The following ITGB6 variants were observed in gnomAD, a reference collection of about 807,000 sequenced individuals.
ITGB6 encodes the protein integrin subunit beta 6.
A neutral mutation model predicts 84.5 loss-of-function variants in ITGB6; 80 were observed. The observed-to-expected ratio is 0.95, with a 90% CI of 0.79 to 1.14. The LOEUF is 1.14. Among genes scored for constraint, ITGB6 ranks in the 50% most tolerant of loss-of-function variants. ITGB6 has a pLI of 0.00. For missense variants in ITGB6, 1,006 were observed against 968.0 expected, an observed-to-expected ratio of 1.04 and a Z score of -0.52; for synonymous variants, 383 against 354.9, an observed-to-expected ratio of 1.08 and a Z score of -0.89.
In ITGB6 at chr2:160,196,267, A is replaced by C. The variant is rs750388139; in HGVS notation, c.295T>G (p.Ser99Ala). 71 of 1,613,982 alleles carry C rather than the reference A, an allele frequency of 4.4e-5. No homozygotes were observed. Among genetic ancestry groups the C allele is most frequent in the Non-Finnish European group, 5.7e-5 (67 of 1,179,996 alleles). Residue 99 changes from serine (S) to alanine (A), a missense_variant, in exon 3 of 15, where the codon TCT (serine) becomes GCT (alanine). Transcript: ENST00000283249. ...PLSVGRQKNS[S>A]DIVQIAPQSL... is the part of the protein sequence containing the mutation. ...TGAGGCGCAATCTGAACAATGTCAG[A>C]ACTATTTTTCTGTCTGCCTACACTG...
chr2:160,154,638 C>T (rs1240207784), intron 7 of ITGB6, among the ~76,000 whole-genome samples: 1 of 151,918 alleles, frequency 6.6e-6, no homozygotes, highest in Non-Finnish European at 1.5e-5. Flanking sequence ...ATGTTTATAC[C>T]TGCTTTATTC....
At chr2:160,182,870 G>A (rs186568541) in intron 4 of ITGB6, among the ~76,000 whole-genome samples, 1 of 152,256 alleles carries the variant, frequency 6.6e-6, no homozygotes, top group East Asian at 1.9e-4. Context: ...TTTCAACCCA[G>A]AATTTCATAT....
intron 4 of ITGB6, among the ~76,000 whole-genome samples, chr2:160,184,135 A>G (rs2105884349): frequency 6.6e-6 from 1 of 152,330 alleles, no homozygotes; most frequent in East Asian, 1.9e-4. Context: ...AGATTAGAGC[A>G]GAACTGAAGG....
At chr2:160,105,128 C>A (rs1696859144) in intron 14 of ITGB6, among the ~76,000 whole-genome samples, 1 of 152,180 alleles carries the variant, frequency 6.6e-6, no homozygotes, top group African/African-American at 2.4e-5. Flanking sequence ...TTGAGTTAAA[C>A]CTTTTTTGCA....
At chr2:160,107,872 A>G in intron 13 of ITGB6, 27 bp from the exon 14 acceptor site, 2 of 1,555,984 alleles carry the variant, frequency 1.3e-6, no homozygotes, top group Non-Finnish European at 1.8e-6. Flanking sequence ...AATTATAAGA[A>G]GGTGGTAAAA....
intron 12 of ITGB6, among the ~76,000 whole-genome samples, chr2:160,119,949 A>T (rs1279721279): frequency 1.3e-5 from 2 of 152,184 alleles, no homozygotes; most frequent in African/African-American, 4.8e-5. Flanking sequence ...GAGAAATGCA[A>T]ATCAAAACCA....
intron 7 of ITGB6, among the ~76,000 whole-genome samples, chr2:160,147,151 AGAAAGAAAGAAAGAAAT>A (rs1304145985): frequency 1.3e-5 from 2 of 151,774 alleles, no homozygotes; most frequent in Non-Finnish European, 2.9e-5. Context: ...AAACAAAGTA[AGAAAGAAAGAAAGAAAT>A]GAAAGAAAGA....
intron 10 of ITGB6, among the ~76,000 whole-genome samples, chr2:160,134,117 C>G (rs976330031): frequency 6.6e-6 from 1 of 152,124 alleles, no homozygotes; most frequent in African/African-American, 2.4e-5. Flanking sequence ...AATCCAGGAG[C>G]TGGTTTTTTG....
intron 13 of ITGB6, 84 bp downstream of exon 13, chr2:160,111,996 T>C: frequency 2.9e-6 from 4 of 1,380,794 alleles, no homozygotes; most frequent in Non-Finnish European, 4.0e-6. Flanking sequence ...TTTCCTGGCA[T>C]GCTACCCAGA....
At position 160,199,984 on chromosome 2, in the gene ITGB6, C is replaced by A; in HGVS notation, c.61+19G>T. The stretch of plus-strand genomic sequence containing the variant: ...CAAGCATACCACGAAAGTAATATAT[C>A]AGAGAACGCAGGTCTTACCTTGTAC... On this transcript the variant is annotated intron_variant, in intron 1 of 14. Transcript: ENST00000283249. 6.3e-7 allele frequency: 1 copy of A among 1,597,210 alleles called. No homozygotes were observed. Among genetic ancestry groups the A allele is most frequent in the Non-Finnish European group, 8.6e-7 (1 of 1,165,750 alleles).
At chr2:160,167,976 G>A (rs1390281919) in intron 7 of ITGB6, among the ~76,000 whole-genome samples, 1 of 105,062 alleles carries the variant, frequency 9.5e-6, no homozygotes, top group African/African-American at 3.7e-5. Context: ...TATTGTATTT[G>A]GGGGTATTTT....
intron 14 of ITGB6, among the ~76,000 whole-genome samples, chr2:160,107,269 C>T (rs1335251326): frequency 1.3e-5 from 2 of 152,066 alleles, no homozygotes; most frequent in Non-Finnish European, 2.9e-5. Context: ...AATTATCGTA[C>T]TATTTATGAA....
intron 6 of ITGB6, among the ~76,000 whole-genome samples, chr2:160,171,835 A>C (rs1196698674): frequency 6.6e-6 from 1 of 152,232 alleles, no homozygotes; most frequent in Non-Finnish European, 1.5e-5. Flanking sequence ...AGCCTGGCAG[A>C]GGTCAAAGAA....
rs757804777 is a variant in ITGB6 at position 160,142,081 on chromosome 2, GAA to G, written c.1018-12_1018-11del. The G allele has an allele frequency of 1.3e-6, 2 of 1,535,696 alleles. No homozygotes were observed. The highest frequency in any genetic ancestry group is 3.6e-5 in the Admixed American group (2 of 56,170). The stretch of plus-strand genomic sequence containing the variant: ...TAAGTTTTGCGTAATTCTGTAAACA[GAA>G]AAAGAGTAAGTCAATCTTTGTTTCC... On this transcript the variant is annotated splice_polypyrimidine_tract_variant and intron_variant, in intron 7 of 14. Coordinates refer to ENST00000283249, the MANE Select transcript of ITGB6 (RefSeq NM_000888.5).
chr2:160,147,859 A>G (rs184527253), intron 7 of ITGB6, among the ~76,000 whole-genome samples: 143 of 152,356 alleles, frequency 9.4e-4, no homozygotes, highest in African/African-American at 3.2e-3. Flanking sequence ...ATGCAAAACC[A>G]TAAAACTCCA....
At chr2:160,187,124 A>T (rs917750067) in intron 4 of ITGB6, among the ~76,000 whole-genome samples, 4 of 152,194 alleles carry the variant, frequency 2.6e-5, no homozygotes, top group South Asian at 2.1e-4. Flanking sequence ...ATAATAATAA[A>T]AAATAGAAAA....
At chr2:160,107,882 A>G in intron 13 of ITGB6, 37 bp from the exon 14 acceptor site, 1 of 1,538,060 alleles carries the variant, frequency 6.5e-7, no homozygotes, top group Non-Finnish European at 8.9e-7. Context: ...AGGTGGTAAA[A>G]TCAACATTTT....
At chr2:160,198,210 A>G (rs1020969051) in intron 2 of ITGB6, among the ~76,000 whole-genome samples, 2 of 152,184 alleles carry the variant, frequency 1.3e-5, no homozygotes, top group Admixed American at 6.5e-5. Flanking sequence ...AAAAAGCATA[A>G]TTCTCTTGAA....
At chr2:160,121,232 T>C (rs1574052283) in intron 12 of ITGB6, among the ~76,000 whole-genome samples, 1 of 152,164 alleles carries the variant, frequency 6.6e-6, no homozygotes, top group Non-Finnish European at 1.5e-5. Context: ...AAGGGGTTTA[T>C]GGTCAGATAA....
Sources: allele counts gnomAD v4.1 joint callset (sites outside exome capture counted in the v4.1 genomes callset), GRCh38; gene constraint gnomAD v4.1.1; transcripts MANE v1.5; gene names NCBI Gene and HGNC (gene_info 2026-07-23, HGNC 2026-07-21).